The following MSH3 variants were observed in gnomAD, a reference collection of about 807,000 sequenced individuals.
MSH3 encodes the protein DNA mismatch repair protein Msh3.
Under a neutral mutation model 123.3 loss-of-function variants are expected in MSH3, and 106 were observed. That is an observed-to-expected ratio of 0.86 (90% confidence interval 0.73 to 1.01). The LOEUF (loss-of-function observed/expected upper bound fraction) is 1.01, where lower values mean the gene tolerates loss of function less well. Ranked by LOEUF, MSH3 falls within the 50% of genes least tolerant of loss-of-function variation. MSH3 has a pLI of 0.00. For synonymous variants in MSH3, 515 were observed against 481.4 expected (o/e 1.07, Z -0.91); for missense variants, 1,459 against 1,347.6 (o/e 1.08, Z -1.29).
intron 8 of MSH3, among the ~76,000 whole-genome samples, chr5:80,688,457 T>A (rs938796034): frequency 6.6e-6 from 1 of 152,242 alleles, no homozygotes; most frequent in Non-Finnish European, 1.5e-5. Context: ...ATGTCACTTA[T>A]GGTGACACGT....
intron 17 of MSH3, among the ~76,000 whole-genome samples, chr5:80,785,593 C>A (rs541208445): frequency 6.6e-6 from 1 of 152,288 alleles, no homozygotes; most frequent in South Asian, 2.1e-4. Context: ...TTGACCCAGC[C>A]ATCCCATTAC....
intron 8 of MSH3, among the ~76,000 whole-genome samples, chr5:80,723,068 T>G (rs1391934701): frequency 6.6e-6 from 1 of 151,330 alleles, no homozygotes; most frequent in East Asian, 1.9e-4. Flanking sequence ...TGGTCCAGCC[T>G]AGGCGACGGA....
chr5:80,732,331 A>G (rs531776640), intron 10 of MSH3, among the ~76,000 whole-genome samples: 33 of 152,320 alleles, frequency 2.2e-4, no homozygotes, highest in South Asian at 1.0e-3. Context: ...ATTTTAGGAA[A>G]GAGTGAGAAA....
Position 80,747,897 on chromosome 5 carries a change from C to T in MSH3, c.1763+3282C>T, listed in dbSNP as rs1321441978. 3.9e-5 allele frequency among the ~76,000 whole-genome samples: 6 copies of T among 152,254 alleles called. No homozygotes were observed. The East Asian group carries it at 9.7e-4, about 25-fold the overall frequency. ...GTAACTATATGCTCTGTAATGTCCACAGAATGACAAAATTGTCTAACGATG... is the reference window on the plus strand; with the variant it reads ...GTAACTATATGCTCTGTAATGTCCATAGAATGACAAAATTGTCTAACGATG... On this transcript the variant is annotated intron_variant, in intron 12 of 23. Transcript: ENST00000265081.
At position 80,774,616 on chromosome 5, in the gene MSH3, G is replaced by GTACT. The variant is rs1744268222; in HGVS notation, c.2254-1077_2254-1074dup. On this transcript the variant is annotated intron_variant, in intron 15 of 23. Coordinates refer to ENST00000265081, the MANE Select transcript of MSH3 (RefSeq NM_002439.5). ...AGCTGTAGTATGTAATCACAACAGAGTACTATACAGCCATAAAAAAGAATG... is the reference window on the plus strand; with the variant it reads ...AGCTGTAGTATGTAATCACAACAGAGTACTTACTATACAGCCATAAAAAAGAATG... Among the ~76,000 whole-genome samples the GTACT allele has an allele frequency of 2.0e-5, 3 of 152,254 alleles. No homozygotes were observed. The South Asian group carries it at 6.2e-4, about 32-fold the overall frequency.
In MSH3 at chr5:80,761,448, A is replaced by G. The variant is rs963416484; in HGVS notation, c.1764-98A>G. 3.5e-6 allele frequency: 5 copies of G among 1,442,372 alleles called. No homozygotes were observed. The East Asian group carries it at 9.1e-5, about 26-fold the overall frequency. The allele number at this position is 1,442,372 out of a possible 1,614,324, so 89.3% of individuals were successfully genotyped here. A position where few individuals can be genotyped will look rare whatever the true frequency, so the allele number is the denominator to read the frequency against. ...GAAGGAGGAGTTTCCTTTGTGCCTA[A>G]TAAGTGGCTGTGTCACATTCCTGGG... On this transcript the variant is annotated intron_variant, in intron 12 of 23. Coordinates refer to ENST00000265081, the MANE Select transcript of MSH3 (RefSeq NM_002439.5).
intron 19 of MSH3, among the ~76,000 whole-genome samples, chr5:80,804,715 T>G (rs1744853867): frequency 6.6e-6 from 1 of 152,180 alleles, no homozygotes; most frequent in Non-Finnish European, 1.5e-5. Context: ...GGGACTGCAC[T>G]GGGTCTGACC....
At chr5:80,832,722 T>G (rs1022908479) in intron 20 of MSH3, among the ~76,000 whole-genome samples, 1 of 151,878 alleles carries the variant, frequency 6.6e-6, no homozygotes, top group African/African-American at 2.4e-5. Context: ...AATGGTAAAT[T>G]TTATTATTTT....
chr5:80,834,056 C>T (rs1745465256), intron 20 of MSH3, among the ~76,000 whole-genome samples: 1 of 152,104 alleles, frequency 6.6e-6, no homozygotes, highest in Admixed American at 6.6e-5. Context: ...TGCATACTTC[C>T]CCAGTAGCCT....
intron 2 of MSH3, among the ~76,000 whole-genome samples, chr5:80,663,452 A>G (rs1749490565): frequency 6.6e-6 from 1 of 152,050 alleles, no homozygotes; most frequent in African/African-American, 2.4e-5. Context: ...TGAGTATGAC[A>G]AGAATGACCC....
intron 12 of MSH3, among the ~76,000 whole-genome samples, chr5:80,753,234 C>A (rs1477222434): frequency 6.6e-6 from 1 of 152,128 alleles, no homozygotes; most frequent in East Asian, 1.9e-4. Context: ...ATTAGAAAGA[C>A]AGAAGACAGC....
intron 8 of MSH3, among the ~76,000 whole-genome samples, chr5:80,724,989 C>T (rs941829308): frequency 2.6e-5 from 4 of 151,918 alleles, no homozygotes; most frequent in African/African-American, 4.8e-5. Context: ...CCGAGGTGGG[C>T]GGATCACAAT....
chr5:80,660,880 C>T (rs976107458), intron 2 of MSH3, among the ~76,000 whole-genome samples: 1 of 152,110 alleles, frequency 6.6e-6, no homozygotes, highest in Non-Finnish European at 1.5e-5. Context: ...TGACTGCAAC[C>T]TCTGCCCCGC....
chr5:80,784,583 TC>T (rs1477493040), intron 17 of MSH3, among the ~76,000 whole-genome samples: 1 of 152,184 alleles, frequency 6.6e-6, no homozygotes, highest in Non-Finnish European at 1.5e-5. Flanking sequence ...TTTAAGCCAC[TC>T]CAAAATACAC....
chr5:80,698,632 G>T (rs1750537004), intron 8 of MSH3, among the ~76,000 whole-genome samples: 1 of 70,036 alleles, frequency 1.4e-5, no homozygotes, highest in African/African-American at 7.2e-5. Flanking sequence ...CCTGAGGCAG[G>T]ACAGACGTGT....
chr5:80,780,578 A>G (rs1181870102), intron 17 of MSH3, among the ~76,000 whole-genome samples: 1 of 152,166 alleles, frequency 6.6e-6, no homozygotes, highest in Non-Finnish European at 1.5e-5. Flanking sequence ...CTTTAAAACC[A>G]TAAACAGGCC....
At chr5:80,700,959 C>T (rs1329734605) in intron 8 of MSH3, among the ~76,000 whole-genome samples, 1 of 152,060 alleles carries the variant, frequency 6.6e-6, no homozygotes, top group Non-Finnish European at 1.5e-5. Context: ...TTTACTAATT[C>T]GACTTGATTT....
intron 8 of MSH3, among the ~76,000 whole-genome samples, chr5:80,711,881 T>A (rs572158517): frequency 2.3e-4 from 35 of 152,260 alleles, no homozygotes; most frequent in Non-Finnish European, 4.3e-4. Flanking sequence ...GTTGAACTCC[T>A]GACCTCAAGT....
Position 80,744,633 on chromosome 5 carries a change from T to G in MSH3, c.1763+18T>G. On this transcript the variant is annotated intron_variant, in intron 12 of 23. Coordinates refer to ENST00000265081, the MANE Select transcript of MSH3 (RefSeq NM_002439.5). ...AAATTAAGGTAAAAGGAATTCTTTT[T>G]GGGGTGTTTAATCTGAAATTATAAA... 2.6e-6 allele frequency: 4 copies of G among 1,555,688 alleles called. No homozygotes were observed. Among genetic ancestry groups the G allele is most frequent in the South Asian group, 1.1e-5 (1 of 89,060 alleles).
Sources: allele counts gnomAD v4.1 joint callset (sites outside exome capture counted in the v4.1 genomes callset), GRCh38; gene constraint gnomAD v4.1.1; transcripts MANE v1.5; gene names NCBI Gene and HGNC (gene_info 2026-07-23, HGNC 2026-07-21).